The following GRID2 variants were observed in gnomAD, a reference collection of about 807,000 sequenced individuals.
GRID2 encodes the protein glutamate receptor ionotropic, delta-2.
Under a neutral mutation model 114.8 loss-of-function variants are expected in GRID2, and 33 were observed. That is an observed-to-expected ratio of 0.29 (90% CI 0.22 to 0.38). The LOEUF (loss-of-function observed/expected upper bound fraction) is 0.38, where lower values mean the gene tolerates loss of function less well. Ranked by LOEUF, GRID2 falls within the 10% of genes least tolerant of loss-of-function variation. The pLI is 1.00. For synonymous variants in GRID2, 505 were observed against 449.9 expected (o/e 1.12, Z -1.55); for missense variants, 1,184 against 1,257.7 (o/e 0.94, Z 0.89).
chr4:93,772,309 A>G lies in GRID2; in HGVS notation c.2835A>G (p.Ser945=). The change falls in exon 16 of 16, where the codon TCA becomes TCG. Residue 945 remains serine, a synonymous_variant. Coordinates refer to ENST00000282020, the MANE Select transcript of GRID2 (RefSeq NM_001510.4). ...EQIQTLSRTL[S]AKAASGFTFG... ...TCCAGACTCTTAGCCGCACACTGTCAGCTAAAGCTGCTTCTGGTTTCACTT... is the reference window on the plus strand; with the variant it reads ...TCCAGACTCTTAGCCGCACACTGTCGGCTAAAGCTGCTTCTGGTTTCACTT... 6.2e-7 allele frequency: 1 copy of G among 1,614,132 alleles called. No homozygotes were observed.
chr4:92,514,743 C>T (rs1431927173), intron 1 of GRID2, among the ~76,000 whole-genome samples: 1 of 151,830 alleles, frequency 6.6e-6, no homozygotes, highest in African/African-American at 2.4e-5. Flanking sequence ...CATGTTAAAA[C>T]TGTACTTTGC....
At chr4:92,706,890 C>T (rs950594191) in intron 2 of GRID2, among the ~76,000 whole-genome samples, 1 of 151,974 alleles carries the variant, frequency 6.6e-6, no homozygotes, top group African/African-American at 2.4e-5. Context: ...AGTGTTGTAC[C>T]ATTTTAAAGA....
chr4:93,806,110 AC>A (rs1453182734), intron 1 of GRID2, among the ~76,000 whole-genome samples: 1 of 152,210 alleles, frequency 6.6e-6, no homozygotes, highest in African/African-American at 2.4e-5. Flanking sequence ...AAAAAAATAA[AC>A]AAAAAAAAGC....
At chr4:93,521,499 A>G (rs1344975988) in intron 13 of GRID2, among the ~76,000 whole-genome samples, 1 of 152,166 alleles carries the variant, frequency 6.6e-6, no homozygotes, top group Non-Finnish European at 1.5e-5. Context: ...CAGAGGATCA[A>G]CTGTCTGTCA....
intron 2 of GRID2, among the ~76,000 whole-genome samples, chr4:92,672,394 G>A (rs1299628450): frequency 6.6e-6 from 1 of 151,982 alleles, no homozygotes; most frequent in East Asian, 1.9e-4. Flanking sequence ...TCCTTAATAT[G>A]AATACCCAAT....
intron 2 of GRID2, among the ~76,000 whole-genome samples, chr4:93,042,434 T>TATA (rs1725653966): frequency 6.8e-6 from 1 of 147,714 alleles, no homozygotes; most frequent in African/African-American, 2.5e-5. Context: ...ATATTACATA[T>TATA]CTGTCCTCAT....
chr4:92,944,748 G>A (rs567109649), intron 2 of GRID2, among the ~76,000 whole-genome samples: 6 of 152,146 alleles, frequency 3.9e-5, no homozygotes, highest in Middle Eastern at 3.4e-3. Context: ...ACATAAACTC[G>A]TGTACTAACA....
chr4:92,975,452 A>G (rs1560761551), intron 2 of GRID2, among the ~76,000 whole-genome samples: 1 of 152,052 alleles, frequency 6.6e-6, no homozygotes. Flanking sequence ...TGGCCACAAC[A>G]TTAGTATCAT....
At chr4:92,456,375 G>A (rs988671995) in intron 1 of GRID2, among the ~76,000 whole-genome samples, 3 of 152,008 alleles carry the variant, frequency 2.0e-5, no homozygotes, top group African/African-American at 7.2e-5. Flanking sequence ...AATTCTGCAC[G>A]GAAAAAAATA....
In GRID2 at chr4:92,578,052, T is replaced by TA. The variant is rs1727982850; in HGVS notation, c.89-12079_89-12078insA. ...TTTCTGAAACTTAGTTTCTTCTTCT[T>TA]CTTCTTCTTCTTCTTCTTCTTCTTC... On this transcript the variant is annotated intron_variant, in intron 1 of 15. Transcript: ENST00000282020. Among the ~76,000 whole-genome samples, 7 of 35,726 alleles carry TA rather than the reference T, an allele frequency of 2.0e-4. No individual in the cohort carries two copies. The Admixed American group carries it at 2.4e-3, about 12-fold the overall frequency. 23.4% of individuals were successfully genotyped at this position (35,726 alleles called of 152,430 possible).
At chr4:92,622,914 A>C (rs55857159) in intron 2 of GRID2, among the ~76,000 whole-genome samples, 1 of 151,740 alleles carries the variant, frequency 6.6e-6, no homozygotes, top group Non-Finnish European at 1.5e-5. Flanking sequence ...ATTTGTTTTT[A>C]AATGCCATAT....
intron 1 of GRID2, among the ~76,000 whole-genome samples, chr4:92,536,189 G>A (rs1438869264): frequency 6.6e-6 from 1 of 151,014 alleles, no homozygotes; most frequent in Non-Finnish European, 1.5e-5. Context: ...ATTTTACAGA[G>A]TGCTGATTGG....
chr4:93,328,809 A>G (rs1302896650), intron 8 of GRID2, among the ~76,000 whole-genome samples: 2 of 152,094 alleles, frequency 1.3e-5, no homozygotes, highest in African/African-American at 4.8e-5. Context: ...AATAATGTAT[A>G]TCAGGATATA....
chr4:92,743,440 A>G (rs537337389), intron 2 of GRID2, among the ~76,000 whole-genome samples: 13 of 152,244 alleles, frequency 8.5e-5, no homozygotes, highest in Non-Finnish European at 1.6e-4. Context: ...TGATAACTAG[A>G]AAATAGATTC....
At chr4:93,030,093 A>G (rs759891530) in intron 2 of GRID2, among the ~76,000 whole-genome samples, 1 of 152,198 alleles carries the variant, frequency 6.6e-6, no homozygotes, top group African/African-American at 2.4e-5. Context: ...ATTGAAAAGT[A>G]GAGTTTCTGT....
intron 14 of GRID2, among the ~76,000 whole-genome samples, chr4:93,730,969 G>C (rs367835546): frequency 1.3e-5 from 2 of 152,182 alleles, no homozygotes; most frequent in African/African-American, 4.8e-5. Context: ...CACCAAGCCC[G>C]GCGTGGGGAG....
chr4:92,777,747 A>T (rs1435140101), intron 2 of GRID2, among the ~76,000 whole-genome samples: 1 of 151,904 alleles, frequency 6.6e-6, no homozygotes, highest in East Asian at 1.9e-4. Flanking sequence ...AAAAAAAAAA[A>T]AAAAGCCATG....
intron 13 of GRID2, among the ~76,000 whole-genome samples, chr4:93,561,684 A>C (rs1239712949): frequency 6.6e-6 from 1 of 151,994 alleles, no homozygotes; most frequent in Non-Finnish European, 1.5e-5. Flanking sequence ...CACTTCACCT[A>C]CTTACTCCCT....
intron 14 of GRID2, among the ~76,000 whole-genome samples, chr4:93,767,638 G>A (rs1323890404): frequency 1.3e-5 from 2 of 152,074 alleles, no homozygotes; most frequent in Non-Finnish European, 2.9e-5. Flanking sequence ...AGCCTTAAGG[G>A]CTGGTCTCAC....
Sources: allele counts gnomAD v4.1 joint callset (sites outside exome capture counted in the v4.1 genomes callset), GRCh38; gene constraint gnomAD v4.1.1; transcripts MANE v1.5; gene names NCBI Gene and HGNC (gene_info 2026-07-23, HGNC 2026-07-21).